The following PDE11A variants were observed in gnomAD, a reference collection of about 807,000 sequenced individuals.
PDE11A encodes the protein dual 3',5'-cyclic-AMP and -GMP phosphodiesterase 11A.
In PDE11A, 100 loss-of-function variants were observed where a neutral mutation model predicts 100.5. The observed-to-expected ratio is 1.00, with a 90% confidence interval of 0.85 to 1.18. The LOEUF is 1.18. Among genes scored for constraint, PDE11A ranks in the 50% most tolerant of loss-of-function variants. The probability of loss-of-function intolerance (pLI) is 0.00; values close to 1 mark genes in which losing one functional copy is unlikely to be tolerated. For synonymous variants in PDE11A, 381 were observed against 420.8 expected, an observed-to-expected ratio of 0.91 and a Z score of 1.16; for missense variants, 1,141 against 1,152.6, an observed-to-expected ratio of 0.99 and a Z score of 0.15.
chr2:177,887,004 A>G (rs2084445056), intron 4 of PDE11A, among the ~76,000 whole-genome samples: 1 of 152,148 alleles, frequency 6.6e-6, no homozygotes, highest in African/African-American at 2.4e-5. Context: ...GGGGTGTGGG[A>G]AACAGGTGAC....
chr2:177,798,139 G>A (rs115291144), intron 9 of PDE11A, among the ~76,000 whole-genome samples: 3,755 of 152,214 alleles, frequency 0.025, 138 homozygotes, highest in African/African-American at 0.085. Flanking sequence ...TCTCCATGGA[G>A]CATTCCTGCT....
At chr2:177,766,533 G>A (rs550660952) in intron 10 of PDE11A, among the ~76,000 whole-genome samples, 6 of 152,244 alleles carry the variant, frequency 3.9e-5, no homozygotes, top group African/African-American at 1.2e-4. Flanking sequence ...ACACTTGAAC[G>A]TAAACATGGT....
chr2:177,910,016 T>TTG (rs1215745393), intron 2 of PDE11A, among the ~76,000 whole-genome samples: 3 of 152,198 alleles, frequency 2.0e-5, no homozygotes, highest in African/African-American at 7.2e-5. Flanking sequence ...GGTAGCCAAT[T>TTG]TGTATTTTGT....
chr2:178,016,561 T>C (rs1213463384), intron 1 of PDE11A, among the ~76,000 whole-genome samples: 2 of 151,570 alleles, frequency 1.3e-5, no homozygotes, highest in African/African-American at 4.9e-5. Flanking sequence ...TATAGATGTA[T>C]ATTTATATAT....
chr2:177,874,369 T>G (rs1440427511), intron 5 of PDE11A, among the ~76,000 whole-genome samples: 2 of 152,222 alleles, frequency 1.3e-5, no homozygotes, highest in Non-Finnish European at 2.9e-5. Flanking sequence ...TGCTCATATT[T>G]TAGTATCAAT....
chr2:177,752,022 A>G lies in PDE11A; in HGVS notation c.1788+17301T>C, dbSNP rs2105478128. Among the ~76,000 whole-genome samples the G allele has an allele frequency of 2.0e-5, 3 of 152,262 alleles. No individual in the cohort carries two copies. In the South Asian group the frequency reaches 6.2e-4, roughly 32 times the overall value. ...CCCACGTCTAGTGATGGTGATGGCC[A>G]AACCAGAGCCAGATGAGCCAGTTCC... On this transcript the variant is annotated intron_variant, in intron 10 of 19. Transcript: ENST00000286063.
intron 6 of PDE11A, among the ~76,000 whole-genome samples, chr2:177,829,668 G>C (rs140442472): frequency 0.012 from 1,751 of 151,244 alleles, 14 homozygotes; most frequent in Non-Finnish European, 0.019. Context: ...TAGCCAGGAA[G>C]GTCTCGATCT....
intron 10 of PDE11A, among the ~76,000 whole-genome samples, chr2:177,768,107 C>A (rs1238505748): frequency 2.0e-5 from 3 of 152,178 alleles, no homozygotes; most frequent in Non-Finnish European, 4.4e-5. Context: ...CTGAGCAGTT[C>A]CTATGCTTGC....
intron 2 of PDE11A, among the ~76,000 whole-genome samples, chr2:177,950,084 A>G (rs1348079934): frequency 2.0e-5 from 3 of 152,350 alleles, no homozygotes; most frequent in Admixed American, 6.5e-5. Flanking sequence ...TGTTGCATTC[A>G]AAGAACCACG....
intron 9 of PDE11A, among the ~76,000 whole-genome samples, chr2:177,795,975 A>ATATATATATATATATC (rs1432005488): frequency 7.3e-6 from 1 of 136,260 alleles, no homozygotes; most frequent in South Asian, 2.4e-4. Flanking sequence ...ATATATATAT[A>ATATATATATATATATC]TCTTTGCTTT....
At chr2:177,837,336 CTT>C (rs2083420200) in intron 6 of PDE11A, among the ~76,000 whole-genome samples, 1 of 152,184 alleles carries the variant, frequency 6.6e-6, no homozygotes, top group Non-Finnish European at 1.5e-5. Flanking sequence ...CAGTAACAAA[CTT>C]TGCTGCAGGC....
In PDE11A at chr2:177,629,283, G is replaced by T; in HGVS notation, c.*124C>A. 1 of 876,492 alleles carries T rather than the reference G, an allele frequency of 1.1e-6. No homozygotes were observed. The highest frequency in any genetic ancestry group is 1.9e-6 in the Non-Finnish European group (1 of 514,862). 54.3% of individuals were successfully genotyped at this position (876,492 alleles called of 1,614,324 possible). ...TGCTTCAAGGTGAAAGCCCAGGCAT[G>T]CTTCCCAGTGCATCCTTGAGATGTT... is the stretch of plus-strand genomic sequence containing the variant. On this transcript the variant is annotated 3_prime_UTR_variant, in exon 20 of 20. Coordinates refer to ENST00000286063, the MANE Select transcript of PDE11A (RefSeq NM_016953.4).
chr2:177,631,335 G>A (rs1415771533), intron 19 of PDE11A, among the ~76,000 whole-genome samples: 2 of 142,912 alleles, frequency 1.4e-5, no homozygotes, highest in Non-Finnish European at 3.0e-5. Context: ...ACCTAGGCGT[G>A]GTGGCACATG....
intron 5 of PDE11A, among the ~76,000 whole-genome samples, chr2:177,861,283 C>T (rs1025847001): frequency 1.1e-4 from 17 of 151,676 alleles, no homozygotes; most frequent in African/African-American, 4.1e-4. Flanking sequence ...TATTTCTACA[C>T]ACTAACATTG....
At chr2:177,877,597 C>T (rs778967976) in intron 4 of PDE11A, among the ~76,000 whole-genome samples, 3 of 152,166 alleles carry the variant, frequency 2.0e-5, no homozygotes, top group Non-Finnish European at 2.9e-5. Flanking sequence ...GAATAATATT[C>T]TCTGGTTAAT....
intron 19 of PDE11A, among the ~76,000 whole-genome samples, chr2:177,632,012 T>A (rs2079957651): frequency 6.6e-6 from 1 of 152,148 alleles, no homozygotes; most frequent in African/African-American, 2.4e-5. Context: ...ATATAGGAAG[T>A]TAGGGCTTCC....
At chr2:177,733,985 A>C (rs2081733013) in intron 10 of PDE11A, among the ~76,000 whole-genome samples, 1 of 152,232 alleles carries the variant, frequency 6.6e-6, no homozygotes, top group African/African-American at 2.4e-5. Context: ...TTTGTGCTAG[A>C]GACTGGCTCC....
chr2:178,066,592 C>T (rs2087047453), intron 1 of PDE11A, among the ~76,000 whole-genome samples: 1 of 152,106 alleles, frequency 6.6e-6, no homozygotes, highest in Non-Finnish European at 1.5e-5. Context: ...CCTTAGCAAC[C>T]AGGTCACATG....
At chr2:177,697,505 TA>T (rs111597020) in intron 14 of PDE11A, 73 bp from the exon 15 acceptor site, 50 of 793,090 alleles carry the variant, frequency 6.3e-5, no homozygotes, top group Non-Finnish European at 7.0e-5. Context: ...TTCCTCTATT[TA>T]AAAAAAAGTC....
Sources: gnomAD v4.1 joint callset for allele counts (sites outside exome capture counted in the v4.1 genomes callset) on GRCh38, gnomAD v4.1.1 for gene constraint, MANE v1.5 for transcripts, NCBI Gene and HGNC (gene_info 2026-07-23, HGNC 2026-07-21) for gene names.